KSR2: variants seen among roughly 807,000 people sequenced by gnomAD.
The protein encoded by KSR2 is kinase suppressor of ras 2.
A neutral mutation model predicts 107.8 loss-of-function variants in KSR2; 25 were observed. That is an observed-to-expected ratio of 0.23 (90% CI 0.17 to 0.32). KSR2 has a LOEUF of 0.32. KSR2 is among the 10% of genes least tolerant of loss of function. The probability of loss-of-function intolerance (pLI) is 1.00; values close to 1 mark genes in which losing one functional copy is unlikely to be tolerated. For missense variants in KSR2, 887 were observed against 1,268.9 expected (o/e 0.70, Z 4.57); for synonymous variants, 480 against 507.0 (o/e 0.95, Z 0.71).
At chr12:117,848,370 G>A (rs1328742151) in intron 3 of KSR2, among the ~76,000 whole-genome samples, 2 of 152,224 alleles carry the variant, frequency 1.3e-5, no homozygotes, top group Non-Finnish European at 2.9e-5. Flanking sequence ...GTGGGAGGTG[G>A]AGACAAATGG....
chr12:117,538,487 C>G (rs561331048), intron 10 of KSR2, among the ~76,000 whole-genome samples: 1 of 152,246 alleles, frequency 6.6e-6, no homozygotes, highest in South Asian at 2.1e-4. Flanking sequence ...TGCCTCCTGG[C>G]CACTCACTCA....
intron 4 of KSR2, among the ~76,000 whole-genome samples, chr12:117,687,403 T>C (rs1885619028): frequency 6.6e-6 from 1 of 152,196 alleles, no homozygotes; most frequent in South Asian, 2.1e-4. Flanking sequence ...TTGCCTGAAA[T>C]TAGTGGGTTT....
intron 1 of KSR2, among the ~76,000 whole-genome samples, chr12:117,908,879 A>G (rs571424581): frequency 6.6e-6 from 1 of 152,262 alleles, no homozygotes; most frequent in African/African-American, 2.4e-5. Flanking sequence ...GTCCTACTCA[A>G]TTGCAGTATT....
At chr12:117,964,411 A>C (rs139563051) in intron 1 of KSR2, among the ~76,000 whole-genome samples, 1 of 152,356 alleles carries the variant, frequency 6.6e-6, no homozygotes, top group East Asian at 1.9e-4. Flanking sequence ...TTGTCCACAG[A>C]ACACTTATTG....
intron 1 of KSR2, among the ~76,000 whole-genome samples, chr12:117,905,299 T>C (rs748693952): frequency 3.3e-5 from 5 of 152,214 alleles, no homozygotes. Context: ...GGACCTACTA[T>C]CACTATTTAT....
intron 1 of KSR2, among the ~76,000 whole-genome samples, chr12:117,861,975 C>G (rs1340958837): frequency 1.3e-5 from 2 of 152,094 alleles, no homozygotes; most frequent in African/African-American, 2.4e-5. Context: ...AGAATAAACT[C>G]CAGGCTTCTA....
intron 7 of KSR2, 28 bp from the exon 8 acceptor site, chr12:117,558,601 G>A: frequency 1.3e-6 from 2 of 1,590,562 alleles, no homozygotes; most frequent in Non-Finnish European, 1.7e-6. Context: ...AGAGAAAGAT[G>A]GATAGGTGAA....
At chr12:117,656,518 G>A (rs996648655) in intron 5 of KSR2, among the ~76,000 whole-genome samples, 1 of 152,210 alleles carries the variant, frequency 6.6e-6, no homozygotes, top group Non-Finnish European at 1.5e-5. Flanking sequence ...GGAGGCTGAG[G>A]CAGGAGAATC....
chr12:117,759,522 G>A (rs1435826292), intron 4 of KSR2, among the ~76,000 whole-genome samples: 1 of 152,162 alleles, frequency 6.6e-6, no homozygotes, highest in Non-Finnish European at 1.5e-5. Context: ...ATTTTGAAGT[G>A]TACAGTTCAA....
rs115066548 is a variant in KSR2, at chr12:117,896,521, G to A, written c.181-36090C>T. Among the ~76,000 whole-genome samples the A allele has an allele frequency of 3.5e-3, 524 of 148,212 alleles. 5 individuals are homozygous for A. Among genetic ancestry groups the A allele is most frequent in the African/African-American group, 0.012 (487 of 39,782 alleles). ...GTTGCCCAGGCTAGAATGCAATGTC[G>A]CCATCTTGGCTCACTGCAACCTCCA... On this transcript the variant is annotated intron_variant, in intron 1 of 19. Coordinates refer to ENST00000339824, the MANE Select transcript of KSR2 (RefSeq NM_173598.6).
intron 5 of KSR2, among the ~76,000 whole-genome samples, chr12:117,636,371 A>G (rs1270886314): frequency 6.7e-6 from 1 of 148,586 alleles, no homozygotes; most frequent in Non-Finnish European, 1.5e-5. Flanking sequence ...GGATATATGT[A>G]TATGGAGATA....
chr12:117,936,289 A>C (rs1371809735), intron 1 of KSR2, among the ~76,000 whole-genome samples: 115 of 152,058 alleles, frequency 7.6e-4, no homozygotes, highest in African/African-American at 2.7e-3. Context: ...TGACCTCCCA[A>C]AGTGCTAGGA....
chr12:117,524,905 C>G lies in KSR2; in HGVS notation c.2166G>C (p.Val722=). 5 of 1,613,762 alleles carry G rather than the reference C, an allele frequency of 3.1e-6. No homozygotes were observed. Among genetic ancestry groups the G allele is most frequent in the Non-Finnish European group, 4.2e-6 (5 of 1,179,792 alleles). The change falls in exon 14 of 20, where the codon GTG becomes GTC. Residue 722 remains valine (V), a synonymous_variant. Transcript: ENST00000339824. ...TCATGCAGGCACCCATGAAAAGCAC[C>G]ACGTTCTCATGCCGTGTCTGCCTGT... ...MAYRQTRHEN[V]VLFMGACMSP...
intron 4 of KSR2, among the ~76,000 whole-genome samples, chr12:117,671,365 C>T (rs897532208): frequency 2.0e-5 from 3 of 152,146 alleles, no homozygotes; most frequent in East Asian, 3.9e-4. Context: ...GACAGACAGA[C>T]GGCAGAGAGA....
At chr12:117,731,510 C>A (rs1056278422) in intron 4 of KSR2, among the ~76,000 whole-genome samples, 8 of 152,144 alleles carry the variant, frequency 5.3e-5, no homozygotes, top group South Asian at 4.1e-4. Context: ...GGCCCTCTGT[C>A]CGGCCGCCAC....
intron 3 of KSR2, among the ~76,000 whole-genome samples, chr12:117,850,195 G>A (rs2137202720): frequency 6.6e-6 from 1 of 152,312 alleles, no homozygotes. Context: ...ACATCACACA[G>A]CTTTTCAGAG....
chr12:117,569,842 T>C (rs1790942147), intron 7 of KSR2, among the ~76,000 whole-genome samples: 1 of 152,132 alleles, frequency 6.6e-6, no homozygotes, highest in Non-Finnish European at 1.5e-5. Context: ...ATTCACCCTA[T>C]AAGTTGACTG....
At chr12:117,728,772 C>T (rs1369038205) in intron 4 of KSR2, among the ~76,000 whole-genome samples, 1 of 152,200 alleles carries the variant, frequency 6.6e-6, no homozygotes, top group Non-Finnish European at 1.5e-5. Flanking sequence ...AAGAAGTGGC[C>T]TTAGACAAAA....
chr12:117,639,184 C>A (rs183208466), intron 5 of KSR2, among the ~76,000 whole-genome samples: 1 of 152,028 alleles, frequency 6.6e-6, no homozygotes, highest in Non-Finnish European at 1.5e-5. Context: ...CCAAGGCAAG[C>A]CTTTATTCCC....
Sources: gnomAD v4.1 joint callset for allele counts (sites outside exome capture counted in the v4.1 genomes callset) on GRCh38, gnomAD v4.1.1 for gene constraint, MANE v1.5 for transcripts, NCBI Gene and HGNC (gene_info 2026-07-23, HGNC 2026-07-21) for gene names.